Variants in CCDC178 observed in about 807,000 individuals in gnomAD.
CCDC178 encodes the protein coiled-coil domain containing 178.
CCDC178 carries 126 observed loss-of-function variants against 117.4 expected under a neutral mutation model. That is an observed-to-expected ratio of 1.07 (90% confidence interval 0.93 to 1.24). CCDC178 has a LOEUF of 1.24. Ranked by LOEUF, CCDC178 falls within the 50% of genes most tolerant of loss-of-function variation. The pLI, the probability that CCDC178 is intolerant of heterozygous loss-of-function variation, is 0.00. For synonymous variants in CCDC178, 283 were observed against 313.4 expected, an observed-to-expected ratio of 0.90 and a Z score of 1.02; for missense variants, 1,030 against 986.9, an observed-to-expected ratio of 1.04 and a Z score of -0.59.
chr18:33,292,299 T>C (rs1402003933), intron 12 of CCDC178, among the ~76,000 whole-genome samples: 1 of 152,198 alleles, frequency 6.6e-6, no homozygotes, highest in East Asian at 1.9e-4. Context: ...GAGGGTATTA[T>C]GTCAAGTGAA....
chr18:33,333,138 A>C, intron 10 of CCDC178, 36 bp downstream of exon 10: 2 of 1,298,234 alleles, frequency 1.5e-6, no homozygotes, highest in Non-Finnish European at 2.2e-6. Context: ...TAACTAAGTA[A>C]TAATTTATGA....
chr18:33,100,056 T>C (rs201106486), intron 20 of CCDC178, among the ~76,000 whole-genome samples: 2 of 151,964 alleles, frequency 1.3e-5, no homozygotes, highest in East Asian at 1.9e-4. Flanking sequence ...TGGGAGGTAC[T>C]GGTGGAGGCA....
intron 10 of CCDC178, among the ~76,000 whole-genome samples, chr18:33,329,810 T>C (rs1419171364): frequency 6.6e-6 from 1 of 151,962 alleles, no homozygotes; most frequent in Non-Finnish European, 1.5e-5. Context: ...CATAGATGAA[T>C]TAGGAAGTGT....
At chr18:33,381,609 C>T (rs1333679435) in intron 5 of CCDC178, among the ~76,000 whole-genome samples, 1 of 152,176 alleles carries the variant, frequency 6.6e-6, no homozygotes, top group Non-Finnish European at 1.5e-5. Context: ...TTTATCCTCA[C>T]CTTTTTTTTC....
chr18:33,381,272 G>A (rs974555567), intron 5 of CCDC178, among the ~76,000 whole-genome samples: 1 of 152,108 alleles, frequency 6.6e-6, no homozygotes, highest in African/African-American at 2.4e-5. Context: ...ATGGAGCAGA[G>A]AGGGCCCCAC....
At chr18:33,164,949 T>C (rs1444474300) in intron 20 of CCDC178, among the ~76,000 whole-genome samples, 1 of 152,230 alleles carries the variant, frequency 6.6e-6, no homozygotes, top group Non-Finnish European at 1.5e-5. Flanking sequence ...ATTGGTCATT[T>C]TGGTGTATTA....
At chr18:32,946,580 T>C (rs2085889793) in intron 22 of CCDC178, among the ~76,000 whole-genome samples, 1 of 152,136 alleles carries the variant, frequency 6.6e-6, no homozygotes, top group Non-Finnish European at 1.5e-5. Flanking sequence ...ACAGAAATTG[T>C]ATGCAATCAT....
chr18:33,314,898 T>G (rs1160668881), intron 11 of CCDC178, among the ~76,000 whole-genome samples: 1 of 152,176 alleles, frequency 6.6e-6, no homozygotes, highest in Non-Finnish European at 1.5e-5. Context: ...TGCTGTCAGA[T>G]CTAAGATTCC....
At chr18:33,218,561 T>C (rs550978931) in intron 18 of CCDC178, among the ~76,000 whole-genome samples, 58 of 152,134 alleles carry the variant, frequency 3.8e-4, no homozygotes, top group Middle Eastern at 3.4e-3. Context: ...CCTAGGTTTT[T>C]TTCTAGGGTT....
intron 22 of CCDC178, among the ~76,000 whole-genome samples, chr18:32,955,650 C>T (rs535737842): frequency 3.2e-4 from 48 of 152,152 alleles, no homozygotes; most frequent in African/African-American, 1.1e-3. Flanking sequence ...CACATACACT[C>T]CCAGATCTTT....
At chr18:33,384,125 C>G (rs2063468860) in intron 5 of CCDC178, among the ~76,000 whole-genome samples, 1 of 151,910 alleles carries the variant, frequency 6.6e-6, no homozygotes, top group Admixed American at 6.6e-5. Flanking sequence ...AGCTTGAAGA[C>G]TATCTTGCAG....
chr18:33,158,655 T>C (rs1213847892), intron 20 of CCDC178, among the ~76,000 whole-genome samples: 1 of 152,046 alleles, frequency 6.6e-6, no homozygotes. Flanking sequence ...CCTTTCAAGA[T>C]CATCTAATCC....
chr18:33,252,580 A>G (rs113759418), intron 14 of CCDC178, among the ~76,000 whole-genome samples: 5 of 151,796 alleles, frequency 3.3e-5, no homozygotes, highest in Admixed American at 6.6e-5. Flanking sequence ...ACTCAAATTA[A>G]TAGACTGGTA....
intron 12 of CCDC178, among the ~76,000 whole-genome samples, chr18:33,271,822 A>G (rs186904413): frequency 1.8e-4 from 27 of 151,662 alleles, no homozygotes; most frequent in Admixed American, 5.3e-4. Flanking sequence ...ACCAACAAGT[A>G]TAAGAAGAAA....
At chr18:33,291,199 C>G (rs1476204076) in intron 12 of CCDC178, among the ~76,000 whole-genome samples, 1 of 151,794 alleles carries the variant, frequency 6.6e-6, no homozygotes, top group Non-Finnish European at 1.5e-5. Flanking sequence ...AACAAGTTCA[C>G]AAAAGGAAAA....
intron 11 of CCDC178, among the ~76,000 whole-genome samples, chr18:33,304,533 G>C (rs1204517652): frequency 6.6e-6 from 1 of 152,160 alleles, no homozygotes; most frequent in South Asian, 2.1e-4. Context: ...AGAAGCAACT[G>C]AGTATAGTGC....
intron 22 of CCDC178, among the ~76,000 whole-genome samples, chr18:32,957,495 CA>C (rs1487555146): frequency 2.0e-5 from 3 of 152,188 alleles, no homozygotes; most frequent in East Asian, 1.9e-4. Flanking sequence ...AAGTATAGGT[CA>C]GGGGCAAACG....
intron 21 of CCDC178, among the ~76,000 whole-genome samples, chr18:33,028,875 C>T (rs1022041785): frequency 1.3e-5 from 2 of 151,760 alleles, no homozygotes; most frequent in East Asian, 1.9e-4. Flanking sequence ...AAAATCTCAC[C>T]TGATTATAAC....
chr18:33,238,956 G>A (rs775920844), intron 15 of CCDC178, among the ~76,000 whole-genome samples: 2 of 152,008 alleles, frequency 1.3e-5, no homozygotes. Context: ...CAAATCAGGA[G>A]ATAATGGGAT....
Sources: allele counts gnomAD v4.1 joint callset (sites outside exome capture counted in the v4.1 genomes callset), GRCh38; gene constraint gnomAD v4.1.1; transcripts MANE v1.5; gene names NCBI Gene and HGNC (gene_info 2026-07-23, HGNC 2026-07-21).